Variants in TTK observed in about 807,000 individuals in gnomAD.
The protein encoded by TTK is TTK protein kinase, also known as dual specificity protein kinase TTK.
TTK carries 59 observed loss-of-function variants against 117.3 expected under a neutral mutation model. That is an observed-to-expected ratio of 0.50 (90% CI 0.41 to 0.62). TTK has a LOEUF of 0.62. TTK is among the 20% of genes least tolerant of loss of function. The pLI, the probability that TTK is intolerant of heterozygous loss-of-function variation, is 0.00. For missense variants in TTK, 921 were observed against 989.4 expected, an observed-to-expected ratio of 0.93 and a Z score of 0.93; for synonymous variants, 302 against 325.0, an observed-to-expected ratio of 0.93 and a Z score of 0.76.
At chr6:80,029,013 C>T (rs1444155308) in intron 13 of TTK, among the ~76,000 whole-genome samples, 1 of 152,098 alleles carries the variant, frequency 6.6e-6, no homozygotes, top group Non-Finnish European at 1.5e-5. Context: ...TTAATATAGA[C>T]GTAACTCCTA....
intron 2 of TTK, among the ~76,000 whole-genome samples, chr6:80,006,536 G>C (rs1766999046): frequency 6.6e-6 from 1 of 152,150 alleles, no homozygotes; most frequent in Non-Finnish European, 1.5e-5. Context: ...AGTATTTTAA[G>C]TACTGAGGAA....
chr6:80,008,968 T>TG (rs1582086989), intron 4 of TTK, among the ~76,000 whole-genome samples: 2 of 146,742 alleles, frequency 1.4e-5, no homozygotes, highest in South Asian at 2.2e-4. Context: ...TGTGTGTGTG[T>TG]AGCGTTAATT....
At chr6:80,021,296 C>T (rs926110255) in intron 10 of TTK, among the ~76,000 whole-genome samples, 1 of 152,200 alleles carries the variant, frequency 6.6e-6, no homozygotes, top group African/African-American at 2.4e-5. Flanking sequence ...GAGCAGCTGG[C>T]ATTTGCAAGT....
chr6:80,016,070 CTG>C lies in TTK; in HGVS notation c.1108+1486_1108+1487del, dbSNP rs763295998. On this transcript the variant is annotated intron_variant, in intron 10 of 21. Coordinates refer to ENST00000369798, the MANE Select transcript of TTK (RefSeq NM_003318.5). ...CATCCATGTTTTTATGATATATAGT[CTG>C]TTGATTTTTATTGCCGTATACTATT... is the stretch of plus-strand genomic sequence containing the variant. Among the ~76,000 whole-genome samples, 10 of 152,204 alleles carry C rather than the reference CTG, an allele frequency of 6.6e-5. No homozygotes were observed. In the East Asian group the frequency reaches 1.2e-3, roughly 18 times the overall value.
At position 80,023,055 on chromosome 6, in the gene TTK, A is replaced by C. The variant is rs184161536; in HGVS notation, c.1257+583A>C. On this transcript the variant is annotated intron_variant, in intron 11 of 21. Transcript: ENST00000369798. The stretch of plus-strand genomic sequence containing the variant: ...TGGTGGCTTTTCGGAAGGAATGATC[A>C]AGTAGGATACTAAAGAGCTATAGCT... 1.2e-3 allele frequency among the ~76,000 whole-genome samples: 177 copies of C among 152,326 alleles called. 2 individuals are homozygous for C. The South Asian group carries it at 0.021, about 18-fold the overall frequency.
At chr6:80,014,158 G>A (rs190900028) in intron 9 of TTK, among the ~76,000 whole-genome samples, 1 of 152,166 alleles carries the variant, frequency 6.6e-6, no homozygotes, top group Non-Finnish European at 1.5e-5. Flanking sequence ...TTGTCATGAG[G>A]CATACTCTAT....
At chr6:80,020,292 C>T (rs192003387) in intron 10 of TTK, among the ~76,000 whole-genome samples, 245 of 152,260 alleles carry the variant, frequency 1.6e-3, no homozygotes, top group African/African-American at 5.4e-3. Flanking sequence ...ATGGCAATTT[C>T]GTTTTAAAAA....
chr6:80,026,534 G>A lies in TTK; in HGVS notation c.1394+20G>A, dbSNP rs1369353102. ...GAGCTGGTAATTACTTTGGCCCCTT[G>A]CTTGATTGGCAGGGTGGTATGATAG... On this transcript the variant is annotated intron_variant, in intron 12 of 21. Transcript: ENST00000369798. 1 of 1,612,148 alleles carries A rather than the reference G, an allele frequency of 6.2e-7. No homozygotes were observed. Among genetic ancestry groups the A allele is most frequent in the South Asian group, 1.1e-5 (1 of 90,516 alleles).
At chr6:80,023,212 G>A (rs1197445088) in intron 11 of TTK, among the ~76,000 whole-genome samples, 1 of 152,120 alleles carries the variant, frequency 6.6e-6, no homozygotes, top group African/African-American at 2.4e-5. Context: ...CCCCTAAAGA[G>A]CTTTTGTTTA....
intron 11 of TTK, among the ~76,000 whole-genome samples, chr6:80,023,760 T>C (rs1302558428): frequency 2.0e-5 from 3 of 152,220 alleles, no homozygotes; most frequent in South Asian, 2.1e-4. Flanking sequence ...TAGATTCTTA[T>C]GTCTGCTTTT....
At chr6:80,036,991 C>T (rs1390495354) in intron 17 of TTK, among the ~76,000 whole-genome samples, 2 of 151,966 alleles carry the variant, frequency 1.3e-5, no homozygotes, top group African/African-American at 2.4e-5. Flanking sequence ...CTAGAGAAGC[C>T]GACCTTTTCC....
rs1801460 is a variant in TTK, at chr6:80,040,255, A to C, written c.2367A>C (p.Pro789=). ...CCATTCCTGAGCTCCTGGCTCATCC[A>C]TATGTTCAAATTCAAACTCATCCAG... ...RISIPELLAH[P]YVQIQTHPVN... is the part of the protein sequence containing the mutation. The change falls in exon 20 of 22, where the codon CCA becomes CCC. Residue 789 remains proline (P), a synonymous_variant. Coordinates refer to ENST00000369798, the MANE Select transcript of TTK (RefSeq NM_003318.5). The C allele has an allele frequency of 0.15, 234,603 of 1,588,430 alleles. 19,180 individuals are homozygous for C. The highest frequency in any genetic ancestry group is 0.17 in the South Asian group (14,899 of 85,172).
chr6:80,013,723 T>C (rs1421872268), intron 9 of TTK, among the ~76,000 whole-genome samples: 1 of 151,958 alleles, frequency 6.6e-6, no homozygotes, highest in African/African-American at 2.4e-5. Flanking sequence ...ATGATTTTGG[T>C]AAGACATCTT....
chr6:80,015,012 A>T (rs1483253082), intron 10 of TTK, among the ~76,000 whole-genome samples: 1 of 152,198 alleles, frequency 6.6e-6, no homozygotes, highest in East Asian at 1.9e-4. Context: ...TGGAAGATAC[A>T]CAGAGATATA....
intron 10 of TTK, among the ~76,000 whole-genome samples, chr6:80,017,049 GAT>G (rs1192556291): frequency 6.6e-6 from 1 of 152,172 alleles, no homozygotes; most frequent in Non-Finnish European, 1.5e-5. Context: ...ATATTTTTTA[GAT>G]TTATCATTTT....
At chr6:80,013,413 G>C (rs746881724) in intron 9 of TTK, 47 bp downstream of exon 9, 3 of 1,453,970 alleles carry the variant, frequency 2.1e-6, no homozygotes, top group Non-Finnish European at 2.8e-6. Context: ...TCCTGATCTG[G>C]GAGGATCAGT....
chr6:80,015,283 G>C (rs79996900), intron 10 of TTK, among the ~76,000 whole-genome samples: 4,226 of 152,304 alleles, frequency 0.028, 91 homozygotes, highest in Non-Finnish European at 0.045. Context: ...GCTGCAGACT[G>C]TAACATGGGT....
intron 2 of TTK, 26 bp from the exon 3 acceptor site, chr6:80,007,783 T>TG: frequency 6.4e-7 from 1 of 1,560,684 alleles, no homozygotes; most frequent in Non-Finnish European, 8.7e-7. Flanking sequence ...TCTTTTCTTG[T>TG]GATATATTTT....
In TTK at chr6:80,042,223, C is replaced by CTTATTCGTTAT; in HGVS notation, c.*21_*22insTTATTCGTTAT. 6.5e-7 allele frequency: 1 copy of CTTATTCGTTAT among 1,535,714 alleles called. No individual in the cohort carries two copies. The highest frequency in any genetic ancestry group is 8.9e-7 in the Non-Finnish European group (1 of 1,120,028). ...AATGATTTGCAGTTATTCGTAATGT[C>CTTATTCGTTAT]AGATACCACCTATAAAATATATTGG... On this transcript the variant is annotated 3_prime_UTR_variant, in exon 22 of 22. Coordinates refer to ENST00000369798, the MANE Select transcript of TTK (RefSeq NM_003318.5).
Sources: gnomAD v4.1 joint callset for allele counts (sites outside exome capture counted in the v4.1 genomes callset) on GRCh38, gnomAD v4.1.1 for gene constraint, MANE v1.5 for transcripts, NCBI Gene and HGNC (gene_info 2026-07-23, HGNC 2026-07-21) for gene names.